The following KCTD8 variants were observed in gnomAD, a reference collection of about 807,000 sequenced individuals.
KCTD8 encodes the protein BTB/POZ domain-containing protein KCTD8.
A neutral mutation model predicts 31.5 loss-of-function variants in KCTD8; 27 were observed. The ratio of observed to expected loss-of-function variants is 0.86; its 90% CI spans 0.63 to 1.18. The LOEUF (loss-of-function observed/expected upper bound fraction) is 1.18. Ranked by LOEUF, KCTD8 falls within the 50% of genes most tolerant of loss-of-function variation. The pLI is 0.00. For missense variants in KCTD8, 658 were observed against 647.7 expected, an observed-to-expected ratio of 1.02 and a Z score of -0.17; for synonymous variants, 290 against 280.0, an observed-to-expected ratio of 1.04 and a Z score of -0.36.
intron 1 of KCTD8, among the ~76,000 whole-genome samples, chr4:44,207,157 TAG>T (rs1233850867): frequency 6.6e-6 from 1 of 152,170 alleles, no homozygotes; most frequent in Non-Finnish European, 1.5e-5. Context: ...ATACATAAAA[TAG>T]AGACTGAAAT....
intron 1 of KCTD8, among the ~76,000 whole-genome samples, chr4:44,226,467 G>A (rs1033504364): frequency 2.6e-5 from 4 of 152,150 alleles, no homozygotes; most frequent in Admixed American, 6.6e-5. Flanking sequence ...TTGGTTCCAA[G>A]TCTTGCTATT....
intron 1 of KCTD8, among the ~76,000 whole-genome samples, chr4:44,264,589 C>T (rs1446021628): frequency 6.6e-6 from 1 of 152,196 alleles, no homozygotes; most frequent in Non-Finnish European, 1.5e-5. Flanking sequence ...GAGGCATTGC[C>T]TCACTCGGGA....
At chr4:44,349,918 T>C (rs1434012927) in intron 1 of KCTD8, among the ~76,000 whole-genome samples, 1 of 152,160 alleles carries the variant, frequency 6.6e-6, no homozygotes. Flanking sequence ...TGGGTTTATT[T>C]ATAGATAGTA....
At chr4:44,222,660 G>A (rs1714840663) in intron 1 of KCTD8, among the ~76,000 whole-genome samples, 1 of 152,138 alleles carries the variant, frequency 6.6e-6, no homozygotes, top group South Asian at 2.1e-4. Flanking sequence ...GTAATCTCAG[G>A]CAAATTATTT....
At chr4:44,348,885 C>T (rs990139183) in intron 1 of KCTD8, among the ~76,000 whole-genome samples, 2 of 152,162 alleles carry the variant, frequency 1.3e-5, no homozygotes, top group Non-Finnish European at 2.9e-5. Flanking sequence ...TCAGTTGGCA[C>T]AGTCCTCCCT....
Position 44,447,978 on chromosome 4 carries a change from C to T in KCTD8, c.546G>A (p.Ala182=). Residue 182 remains alanine (A), a synonymous_variant, in exon 1 of 2, where the codon GCG becomes GCA. Transcript: ENST00000360029. ...GSSDALLLRG[A]AAAVPSGPGA... ...CCGGGCCCGAGGGCACGGCGGCCGCCGCCCCGCGCAGCAGCAGCGCGTCGC... is the reference window on the plus strand; with the variant it reads ...CCGGGCCCGAGGGCACGGCGGCCGCTGCCCCGCGCAGCAGCAGCGCGTCGC... The T allele has an allele frequency of 1.3e-6, 2 of 1,536,810 alleles. No individual in the cohort carries two copies. Among genetic ancestry groups the T allele is most frequent in the East Asian group, 2.6e-5 (1 of 39,148 alleles).
intron 1 of KCTD8, among the ~76,000 whole-genome samples, chr4:44,235,570 TATATA>T (rs1388707011): frequency 3.5e-4 from 17 of 48,874 alleles, no homozygotes; most frequent in Admixed American, 1.5e-3. Context: ...TATATATATA[TATATA>T]TTTAGAGAGA....
At chr4:44,283,786 A>G (rs1162687806) in intron 1 of KCTD8, among the ~76,000 whole-genome samples, 1 of 152,208 alleles carries the variant, frequency 6.6e-6, no homozygotes, top group East Asian at 1.9e-4. Context: ...AAGTCTCAGG[A>G]TACAAAATCA....
chr4:44,417,035 A>T (rs1356814198), intron 1 of KCTD8, among the ~76,000 whole-genome samples: 1 of 152,174 alleles, frequency 6.6e-6, no homozygotes, highest in Non-Finnish European at 1.5e-5. Flanking sequence ...CACACAGGTA[A>T]TGAAAAGATG....
chr4:44,202,864 G>A (rs984866414), intron 1 of KCTD8, among the ~76,000 whole-genome samples: 2 of 152,084 alleles, frequency 1.3e-5, no homozygotes, highest in Non-Finnish European at 2.9e-5. Context: ...GTTAATAATT[G>A]TAAAATTGAA....
At chr4:44,204,348 C>A (rs569992190) in intron 1 of KCTD8, among the ~76,000 whole-genome samples, 4 of 152,264 alleles carry the variant, frequency 2.6e-5, no homozygotes, top group Admixed American at 6.5e-5. Context: ...GACAGCCCGG[C>A]ACCACACCCT....
chr4:44,354,691 T>G (rs564852335), intron 1 of KCTD8, among the ~76,000 whole-genome samples: 2 of 152,096 alleles, frequency 1.3e-5, no homozygotes, highest in African/African-American at 4.8e-5. Context: ...GTAAGTAGTA[T>G]TATCATCCCT....
chr4:44,343,488 T>C (rs1408699295), intron 1 of KCTD8, among the ~76,000 whole-genome samples: 1 of 152,064 alleles, frequency 6.6e-6, no homozygotes, highest in Non-Finnish European at 1.5e-5. Context: ...GTCAGAAATA[T>C]TGAGAAAATA....
chr4:44,423,987 C>A (rs1310270270), intron 1 of KCTD8, among the ~76,000 whole-genome samples: 1 of 151,994 alleles, frequency 6.6e-6, no homozygotes, highest in Non-Finnish European at 1.5e-5. Context: ...TAATTTCATC[C>A]TGAATTTGTA....
intron 1 of KCTD8, among the ~76,000 whole-genome samples, chr4:44,209,509 C>T (rs1465178794): frequency 6.6e-6 from 1 of 151,564 alleles, no homozygotes; most frequent in South Asian, 2.1e-4. Context: ...CACACACACA[C>T]ACACTCTCAC....
chr4:44,272,793 T>A (rs1320263862), intron 1 of KCTD8, among the ~76,000 whole-genome samples: 1 of 152,054 alleles, frequency 6.6e-6, no homozygotes, highest in Non-Finnish European at 1.5e-5. Context: ...CAAACACACA[T>A]ATCACTGGAA....
chr4:44,336,847 A>T (rs912645836), intron 1 of KCTD8, among the ~76,000 whole-genome samples: 12 of 152,128 alleles, frequency 7.9e-5, no homozygotes, highest in Non-Finnish European at 1.3e-4. Flanking sequence ...TTAAAAAAGA[A>T]TAAAATTATA....
intron 1 of KCTD8, among the ~76,000 whole-genome samples, chr4:44,221,378 C>T (rs1356962009): frequency 6.6e-6 from 1 of 151,236 alleles, no homozygotes; most frequent in East Asian, 2.0e-4. Flanking sequence ...TGTTTAGGAG[C>T]ATCCAGTGGA....
chr4:44,405,433 A>T (rs1278389015), intron 1 of KCTD8, among the ~76,000 whole-genome samples: 1 of 151,936 alleles, frequency 6.6e-6, no homozygotes, highest in Non-Finnish European at 1.5e-5. Context: ...TAATTTTTGT[A>T]TTTTTAGTAG....
Sources: allele counts gnomAD v4.1 joint callset (sites outside exome capture counted in the v4.1 genomes callset), GRCh38; gene constraint gnomAD v4.1.1; transcripts MANE v1.5; gene names NCBI Gene and HGNC (gene_info 2026-07-23, HGNC 2026-07-21).